Variants in INPP4B observed in about 807,000 individuals in gnomAD.
INPP4B encodes inositol polyphosphate 4-phosphatase type II.
INPP4B carries 55 observed loss-of-function variants against 122.5 expected under a neutral mutation model. The ratio of observed to expected loss-of-function variants is 0.45; its 90% confidence interval spans 0.36 to 0.56. The LOEUF (loss-of-function observed/expected upper bound fraction) is 0.56. Ranked by LOEUF, INPP4B falls within the 20% of genes least tolerant of loss-of-function variation. The probability of loss-of-function intolerance (pLI) is 0.00; values close to 1 mark genes in which losing one functional copy is unlikely to be tolerated. For missense variants in INPP4B, 1,000 were observed against 1,097.7 expected (o/e 0.91, Z 1.26); for synonymous variants, 403 against 388.7 (o/e 1.04, Z -0.43).
chr4:142,468,237 A>G (rs537750605), intron 2 of INPP4B, among the ~76,000 whole-genome samples: 4 of 152,188 alleles, frequency 2.6e-5, no homozygotes, highest in Admixed American at 2.6e-4. Flanking sequence ...AGAGCTGACT[A>G]TTTGTCTTTT....
chr4:142,839,382 C>A (rs1207592779), intron 1 of INPP4B, among the ~76,000 whole-genome samples: 1 of 152,016 alleles, frequency 6.6e-6, no homozygotes, highest in African/African-American at 2.4e-5. Flanking sequence ...CACTGGAACC[C>A]GGGAGGCAGA....
intron 18 of INPP4B, among the ~76,000 whole-genome samples, chr4:142,130,198 G>A (rs1800604599): frequency 6.6e-6 from 1 of 152,208 alleles, no homozygotes; most frequent in Non-Finnish European, 1.5e-5. Flanking sequence ...CTGGACTGCA[G>A]GTAGTAGACA....
chr4:142,431,505 C>A (rs984181160), intron 3 of INPP4B, 120 bp from the exon 4 acceptor site: 1 of 505,082 alleles, frequency 2.0e-6, no homozygotes, highest in Non-Finnish European at 3.5e-6. Flanking sequence ...CTACTCCACT[C>A]ATACTTTCAG....
At chr4:142,738,609 A>AAAAAC (rs1224344621) in intron 1 of INPP4B, among the ~76,000 whole-genome samples, 2 of 135,382 alleles carry the variant, frequency 1.5e-5, no homozygotes, top group South Asian at 2.8e-4. Flanking sequence ...AAAGTATAAT[A>AAAAAC]AAAACAAAAA....
chr4:142,806,676 G>A (rs1180277331), intron 1 of INPP4B, among the ~76,000 whole-genome samples: 4 of 151,444 alleles, frequency 2.6e-5, no homozygotes, highest in Middle Eastern at 3.4e-3. Context: ...CCTGGGAGTC[G>A]GAGGTTGCAG....
chr4:142,533,467 A>AT (rs1004897842), intron 2 of INPP4B, among the ~76,000 whole-genome samples: 49 of 151,278 alleles, frequency 3.2e-4, no homozygotes, highest in South Asian at 1.5e-3. Flanking sequence ...AAAAATATTT[A>AT]TTTTTTTTTT....
intron 7 of INPP4B, chr4:142,383,669 A>T (rs1234942150): frequency 6.2e-6 from 1 of 160,786 alleles, no homozygotes; most frequent in African/African-American, 2.4e-5. Context: ...GAGAAAAAAA[A>T]GTCATATTTT....
At chr4:142,549,584 C>T (rs867431050) in intron 2 of INPP4B, among the ~76,000 whole-genome samples, 2 of 152,128 alleles carry the variant, frequency 1.3e-5, no homozygotes, top group African/African-American at 2.4e-5. Context: ...TCTTTACCTT[C>T]TCCAGGGTGA....
chr4:142,818,210 C>G (rs569723361), intron 1 of INPP4B, among the ~76,000 whole-genome samples: 3 of 152,192 alleles, frequency 2.0e-5, no homozygotes, highest in African/African-American at 4.8e-5. Flanking sequence ...GTCACTGAGT[C>G]CCCCCTACTC....
intron 17 of INPP4B, among the ~76,000 whole-genome samples, chr4:142,158,947 G>C (rs1818639775): frequency 6.6e-6 from 1 of 151,890 alleles, no homozygotes; most frequent in African/African-American, 2.4e-5. Flanking sequence ...CTTCTTTTCT[G>C]TATACACTCG....
intron 11 of INPP4B, among the ~76,000 whole-genome samples, chr4:142,254,768 G>A (rs1306202956): frequency 6.6e-6 from 1 of 152,192 alleles, no homozygotes; most frequent in African/African-American, 2.4e-5. Flanking sequence ...GAACCAAGGT[G>A]GAAAACACTC....
chr4:142,058,460 A>G (rs1005644762), intron 25 of INPP4B, among the ~76,000 whole-genome samples: 5 of 152,074 alleles, frequency 3.3e-5, no homozygotes, highest in Non-Finnish European at 7.4e-5. Context: ...TTTTCCCTGA[A>G]AGTAACTTTG....
At chr4:142,765,411 C>T (rs1210044296) in intron 1 of INPP4B, among the ~76,000 whole-genome samples, 1 of 151,962 alleles carries the variant, frequency 6.6e-6, no homozygotes, top group Non-Finnish European at 1.5e-5. Flanking sequence ...GTGGACTGCA[C>T]CAAAACACTC....
intron 15 of INPP4B, among the ~76,000 whole-genome samples, chr4:142,192,838 C>T (rs554700204): frequency 6.6e-6 from 1 of 152,196 alleles, no homozygotes; most frequent in Admixed American, 6.5e-5. Context: ...AGAATATCAC[C>T]CCTTAGTCAT....
chr4:142,308,158 A>G (rs1424554104), intron 8 of INPP4B, among the ~76,000 whole-genome samples: 1 of 152,212 alleles, frequency 6.6e-6, no homozygotes, highest in Non-Finnish European at 1.5e-5. Context: ...GAGTGCATAC[A>G]GTGTGCCAAG....
chr4:142,181,800 A>T (rs1181535711), intron 15 of INPP4B, among the ~76,000 whole-genome samples: 1 of 152,194 alleles, frequency 6.6e-6, no homozygotes, highest in Non-Finnish European at 1.5e-5. Context: ...AAAACTGATA[A>T]GGCTGGAGCT....
chr4:142,126,474 AT>A (rs1429692414), intron 18 of INPP4B, among the ~76,000 whole-genome samples: 5 of 152,176 alleles, frequency 3.3e-5, no homozygotes, highest in Non-Finnish European at 5.9e-5. Context: ...TGGCCCCAAC[AT>A]AATAAAAAGA....
At chr4:142,244,100 C>T (rs1860884271) in intron 11 of INPP4B, among the ~76,000 whole-genome samples, 1 of 147,914 alleles carries the variant, frequency 6.8e-6, no homozygotes, top group South Asian at 2.2e-4. Flanking sequence ...TGTGATGTTT[C>T]CCTCCCTCTG....
intron 7 of INPP4B, among the ~76,000 whole-genome samples, chr4:142,386,183 C>T (rs1481882424): frequency 6.6e-6 from 1 of 152,022 alleles, no homozygotes; most frequent in Non-Finnish European, 1.5e-5. Flanking sequence ...CCAGGTTCAT[C>T]CTTGTTGTCA....
Sources: gnomAD v4.1 joint callset for allele counts (sites outside exome capture counted in the v4.1 genomes callset) on GRCh38, gnomAD v4.1.1 for gene constraint, MANE v1.5 for transcripts, NCBI Gene and HGNC (gene_info 2026-07-23, HGNC 2026-07-21) for gene names.